Variants in PTPRG observed in about 807,000 individuals in gnomAD.
PTPRG encodes the protein protein tyrosine phosphatase receptor type G.
In PTPRG, 102 loss-of-function variants were observed where a neutral mutation model predicts 165.3. The observed-to-expected ratio is 0.62, with a 90% CI of 0.53 to 0.73. PTPRG has a LOEUF of 0.73. Among genes scored for constraint, PTPRG ranks in the 30% least tolerant of loss-of-function variants. The pLI is 0.00. For synonymous variants in PTPRG, 675 were observed against 669.5 expected, an observed-to-expected ratio of 1.01 and a Z score of -0.13; for missense variants, 1,866 against 1,861.4, an observed-to-expected ratio of 1.00 and a Z score of -0.05.
At chr3:61,793,541 ATTAT>A (rs1410548170) in intron 2 of PTPRG, among the ~76,000 whole-genome samples, 1 of 152,188 alleles carries the variant, frequency 6.6e-6, no homozygotes, top group African/African-American at 2.4e-5. Context: ...AAACTTTTTA[ATTAT>A]TTGAGTCAAT....
chr3:61,864,712 C>A (rs575282198), intron 2 of PTPRG, among the ~76,000 whole-genome samples: 1 of 152,072 alleles, frequency 6.6e-6, no homozygotes, highest in South Asian at 2.1e-4. Context: ...ATAACACAGG[C>A]GTTTTAAGGT....
chr3:61,623,838 G>A (rs1701532835), intron 1 of PTPRG, among the ~76,000 whole-genome samples: 1 of 152,160 alleles, frequency 6.6e-6, no homozygotes, highest in South Asian at 2.1e-4. Flanking sequence ...ACTATCACTT[G>A]AAGAAACAAA....
chr3:61,679,603 A>G (rs1703357970), intron 1 of PTPRG, among the ~76,000 whole-genome samples: 1 of 152,066 alleles, frequency 6.6e-6, no homozygotes, highest in African/African-American at 2.4e-5. Context: ...ACCACAGTGG[A>G]ACCCTGTCTC....
At position 62,277,537 on chromosome 3, in the gene PTPRG, C is replaced by G; in HGVS notation, c.3637-14C>G. On this transcript the variant is annotated splice_polypyrimidine_tract_variant and intron_variant, in intron 25 of 29. Transcript: ENST00000474889. ...ACTCATATTCACTGATTTTTTTTGT[C>G]TTCCCAACTGAAGGGCTATTATAGG... The G allele has an allele frequency of 3.1e-6, 5 of 1,603,134 alleles. No homozygotes were observed. The highest frequency in any genetic ancestry group is 4.2e-6 in the Non-Finnish European group (5 of 1,177,110).
chr3:61,922,290 G>T (rs187168889), intron 2 of PTPRG, among the ~76,000 whole-genome samples: 66 of 152,342 alleles, frequency 4.3e-4, no homozygotes, highest in Non-Finnish European at 6.9e-4. Context: ...CACTTAGAAA[G>T]GTCGTTTAGT....
intron 6 of PTPRG, among the ~76,000 whole-genome samples, chr3:62,139,099 GA>G (rs1194577395): frequency 6.6e-6 from 1 of 152,138 alleles, no homozygotes; most frequent in Non-Finnish European, 1.5e-5. Context: ...CTCTCCTGGA[GA>G]ATGTACCATC....
chr3:62,009,341 T>C (rs2041365486), intron 4 of PTPRG, among the ~76,000 whole-genome samples: 1 of 152,188 alleles, frequency 6.6e-6, no homozygotes, highest in South Asian at 2.1e-4. Context: ...TTGTGCAGCA[T>C]TCTTAGGCAA....
At chr3:61,775,315 C>T (rs1189433286) in intron 2 of PTPRG, among the ~76,000 whole-genome samples, 3 of 152,126 alleles carry the variant, frequency 2.0e-5, no homozygotes, top group East Asian at 1.9e-4. Context: ...AAGTCATCTG[C>T]CCACTTTGGC....
At chr3:61,767,070 C>T (rs548094003) in intron 2 of PTPRG, among the ~76,000 whole-genome samples, 2 of 151,160 alleles carry the variant, frequency 1.3e-5, no homozygotes, top group African/African-American at 4.8e-5. Flanking sequence ...ATGGTGAAAC[C>T]CCATCTCTAC....
chr3:62,080,069 T>C (rs1701515047), intron 5 of PTPRG, among the ~76,000 whole-genome samples: 1 of 149,326 alleles, frequency 6.7e-6, no homozygotes, highest in Non-Finnish European at 1.5e-5. Flanking sequence ...TTCATTTTTT[T>C]TTTTTTTTTT....
intron 1 of PTPRG, among the ~76,000 whole-genome samples, chr3:61,718,993 A>G (rs149137160): frequency 0.018 from 2,781 of 152,296 alleles, 33 homozygotes; most frequent in South Asian, 0.039. Context: ...CCAACAATCC[A>G]TCAAGAATGG....
At chr3:61,747,594 C>CT (rs2033260185) in intron 1 of PTPRG, among the ~76,000 whole-genome samples, 1 of 151,872 alleles carries the variant, frequency 6.6e-6, no homozygotes, top group Non-Finnish European at 1.5e-5. Flanking sequence ...TAATGCTAGT[C>CT]TTTTTAATTG....
chr3:62,264,947 A>G (rs1385068518), intron 17 of PTPRG, among the ~76,000 whole-genome samples: 1 of 143,784 alleles, frequency 7.0e-6, no homozygotes, highest in Non-Finnish European at 1.5e-5. Context: ...CATCCTCACC[A>G]ACTCTTACTA....
chr3:62,153,885 G>A (rs892041797), intron 6 of PTPRG, among the ~76,000 whole-genome samples: 2 of 152,314 alleles, frequency 1.3e-5, no homozygotes, highest in South Asian at 2.1e-4. Flanking sequence ...AGTGCTGGGG[G>A]TGCTGGTGCA....
At chr3:61,632,274 A>G (rs1444698656) in intron 1 of PTPRG, among the ~76,000 whole-genome samples, 1 of 151,890 alleles carries the variant, frequency 6.6e-6, no homozygotes, top group Non-Finnish European at 1.5e-5. Context: ...GTGCCATTGC[A>G]CTCCAGTCTG....
intron 4 of PTPRG, among the ~76,000 whole-genome samples, chr3:62,032,599 C>T (rs548048341): frequency 3.3e-5 from 5 of 152,058 alleles, no homozygotes; most frequent in Admixed American, 1.3e-4. Flanking sequence ...TTAGTGAAGA[C>T]GTTTTCCTTG....
At chr3:61,949,446 T>C (rs1219699527) in intron 2 of PTPRG, among the ~76,000 whole-genome samples, 3 of 152,154 alleles carry the variant, frequency 2.0e-5, no homozygotes, top group African/African-American at 7.2e-5. Flanking sequence ...GTCTTGAGCA[T>C]TGGTGGTGGA....
At chr3:61,977,304 G>T (rs2040533905) in intron 2 of PTPRG, among the ~76,000 whole-genome samples, 1 of 151,874 alleles carries the variant, frequency 6.6e-6, no homozygotes, top group Admixed American at 6.6e-5. Context: ...TAAAACCTCA[G>T]GGGTTTCAGA....
At position 62,297,292 on chromosome 3, in the gene PTPRG, T is replaced by A. The variant is rs1239604237; in HGVS notation, c.*3985T>A. 6.6e-6 allele frequency: 1 copy of A among 152,044 alleles called. No individual in the cohort carries two copies. 9.4% of individuals were successfully genotyped at this position (152,044 alleles called of 1,614,324 possible). On this transcript the variant is annotated 3_prime_UTR_variant, in exon 30 of 30. Transcript: ENST00000474889. Reference sequence around the variant, plus strand: ...TGTATTGAAGTAGCAAAAACCATCTTTACATTCCAAAAGAATCCAACATGT... The same window carrying A: ...TGTATTGAAGTAGCAAAAACCATCTATACATTCCAAAAGAATCCAACATGT...
Sources: allele counts gnomAD v4.1 joint callset (sites outside exome capture counted in the v4.1 genomes callset), GRCh38; gene constraint gnomAD v4.1.1; transcripts MANE v1.5; gene names NCBI Gene and HGNC (gene_info 2026-07-23, HGNC 2026-07-21).